MAP4K4: variants seen among roughly 807,000 people sequenced by gnomAD.
MAP4K4 encodes HPK/GCK-like kinase HGK.
Under a neutral mutation model 189.6 loss-of-function variants are expected in MAP4K4, and 38 were observed. The ratio of observed to expected loss-of-function variants is 0.20; its 90% CI spans 0.15 to 0.26. MAP4K4 has a LOEUF of 0.26. MAP4K4 is among the 10% of genes least tolerant of loss of function. MAP4K4 has a pLI of 1.00. For missense variants in MAP4K4, 1,054 were observed against 1,726.9 expected, an observed-to-expected ratio of 0.61 and a Z score of 6.91; for synonymous variants, 610 against 624.3, an observed-to-expected ratio of 0.98 and a Z score of 0.34.
chr2:101,874,303 G>T lies in MAP4K4; in HGVS notation c.3241+51G>T, dbSNP rs191803993. On this transcript the variant is annotated intron_variant, in intron 26 of 32. Coordinates refer to ENST00000324219, the Ensembl canonical transcript of MAP4K4. Reference sequence around the variant, plus strand: ...ACTTTCATTTTTGTTCTGAGTGGTGGCTGGTCTTCTAGAGAAGTACTGCAT... The same window carrying T: ...ACTTTCATTTTTGTTCTGAGTGGTGTCTGGTCTTCTAGAGAAGTACTGCAT... The T allele has an allele frequency of 8.3e-4, 1,262 of 1,523,042 alleles. 9 individuals are homozygous for T. In the African/African-American group the frequency reaches 0.015, roughly 18 times the overall value. The allele number at this position is 1,523,042 out of a possible 1,614,324, so 94.3% of individuals were successfully genotyped here.
In MAP4K4 at chr2:101,803,578, G is replaced by A. The variant is rs141479144; in HGVS notation, c.180+12802G>A. On this transcript the variant is annotated intron_variant, in intron 3 of 32. Transcript: ENST00000324219. ...CAGTTTACATTCTCTTCATAGGACT[G>A]GGGTATAAATTCTAGCCTAATTTGT... Among the ~76,000 whole-genome samples, 1,011 of 152,160 alleles carry A rather than the reference G, an allele frequency of 6.6e-3. 11 individuals are homozygous for A. The highest frequency in any genetic ancestry group is 0.024 in the African/African-American group (977 of 41,494).
At chr2:101,723,494 T>A (rs759176944) in intron 2 of MAP4K4, among the ~76,000 whole-genome samples, 8 of 152,188 alleles carry the variant, frequency 5.3e-5, no homozygotes, top group Non-Finnish European at 8.8e-5. Flanking sequence ...TGGAGAACTG[T>A]GAGAGTCACT....
chr2:101,853,939 G>A (rs934449243), intron 12 of MAP4K4, among the ~76,000 whole-genome samples: 8 of 152,216 alleles, frequency 5.3e-5, no homozygotes, highest in African/African-American at 1.2e-4. Flanking sequence ...TTTCTTCAGC[G>A]GAAATTGTGT....
At chr2:101,700,506 G>T (rs775387793) in intron 2 of MAP4K4, among the ~76,000 whole-genome samples, 24 of 152,296 alleles carry the variant, frequency 1.6e-4, no homozygotes, top group Non-Finnish European at 3.4e-4. Context: ...TAGTGCCTGA[G>T]ATTTTGCTCA....
chr2:101,822,807 A>G (rs938388205), intron 3 of MAP4K4, among the ~76,000 whole-genome samples: 5 of 152,190 alleles, frequency 3.3e-5, no homozygotes, highest in Non-Finnish European at 4.4e-5. Flanking sequence ...CAGTGTAGAA[A>G]AGTAAGGACA....
chr2:101,868,035 G>C, exon 21 of MAP4K4: 1 of 1,612,716 alleles, frequency 6.2e-7, no homozygotes, highest in Non-Finnish European at 8.5e-7. Context: ...GAAGGGCGAA[G>C]TGGTAAGCGC....
At chr2:101,826,066 T>C (rs1470059049) in intron 5 of MAP4K4, among the ~76,000 whole-genome samples, 1 of 152,168 alleles carries the variant, frequency 6.6e-6, no homozygotes, top group Non-Finnish European at 1.5e-5. Flanking sequence ...ATATTACCAG[T>C]GAGTCTCTTC....
intron 29 of MAP4K4, among the ~76,000 whole-genome samples, chr2:101,886,808 G>A (rs1184528999): frequency 1.3e-5 from 2 of 152,008 alleles, no homozygotes; most frequent in East Asian, 1.9e-4. Flanking sequence ...TTGGGAGGTC[G>A]AGGTCAGGAG....
exon 33 of MAP4K4, chr2:101,893,531 C>T (rs923955988): frequency 1.1e-5 from 3 of 262,204 alleles, no homozygotes; most frequent in African/African-American, 2.3e-5. Context: ...TGAACACACT[C>T]GTGTACATAT....
chr2:101,740,553 A>T (rs1430979300), intron 2 of MAP4K4, among the ~76,000 whole-genome samples: 1 of 152,186 alleles, frequency 6.6e-6, no homozygotes, highest in Non-Finnish European at 1.5e-5. Flanking sequence ...GGAATCCTAC[A>T]CTAATAAGGT....
At chr2:101,859,694 A>C (rs2097578890) in exon 15 of MAP4K4, 1 of 1,612,220 alleles carries the variant, frequency 6.2e-7, no homozygotes. Flanking sequence ...GAGGCTCCAG[A>C]GGCAGTTGCA....
chr2:101,758,855 C>T (rs982958522), intron 2 of MAP4K4, among the ~76,000 whole-genome samples: 56 of 152,102 alleles, frequency 3.7e-4, no homozygotes, highest in African/African-American at 1.1e-3. Context: ...GGTTGCTGGC[C>T]GGGCGCGGTG....
chr2:101,763,886 C>G lies in MAP4K4; in HGVS notation c.124-26834C>G, dbSNP rs569060997. ...AACATAATCTGACTTAAAAAAAAAT[C>G]AGTGTTTCATCACAAGGCTGTGGCT... On this transcript the variant is annotated intron_variant, in intron 2 of 32. Transcript: ENST00000324219. Among the ~76,000 whole-genome samples the G allele has an allele frequency of 3.9e-5, 6 of 152,188 alleles. 1 individual carries two copies. Among genetic ancestry groups the G allele is most frequent in the Admixed American group, 3.3e-4 (5 of 15,286 alleles).
At chr2:101,864,378 C>T (rs1383711965) in intron 17 of MAP4K4, among the ~76,000 whole-genome samples, 7 of 151,974 alleles carry the variant, frequency 4.6e-5, no homozygotes, top group Admixed American at 4.6e-4. Flanking sequence ...TGCAGTTTTG[C>T]AATATTAATG....
intron 2 of MAP4K4, among the ~76,000 whole-genome samples, chr2:101,713,299 A>G (rs1256412201): frequency 6.6e-6 from 1 of 152,072 alleles, no homozygotes; most frequent in African/African-American, 2.4e-5. Flanking sequence ...CAATTAAAAA[A>G]TTTTTAATCC....
intron 2 of MAP4K4, among the ~76,000 whole-genome samples, chr2:101,760,872 G>A (rs534357049): frequency 3.9e-5 from 6 of 152,162 alleles, no homozygotes; most frequent in South Asian, 4.1e-4. Flanking sequence ...GCGTGGTGGC[G>A]CATGCCTGTA....
At chr2:101,866,760 G>C (rs1009083734) in intron 19 of MAP4K4, among the ~76,000 whole-genome samples, 181 bp downstream of exon 19, 3 of 148,286 alleles carry the variant, frequency 2.0e-5, no homozygotes, top group Admixed American at 1.4e-4. Flanking sequence ...TAAATTTTGA[G>C]AGCTTTATAT....
At chr2:101,874,322 A>G (rs2150089160) in intron 26 of MAP4K4, 70 bp downstream of exon 26, 1 of 1,382,964 alleles carries the variant, frequency 7.2e-7, no homozygotes, top group Non-Finnish European at 9.9e-7. Flanking sequence ...CTAGAGAAGT[A>G]CTGCATTGAA....
intron 9 of MAP4K4, 132 bp from the exon 10 acceptor site, chr2:101,839,687 A>T (rs2096862472): frequency 1.5e-6 from 1 of 673,514 alleles, no homozygotes. Context: ...TTCATACATT[A>T]TTCCTATGCA....
Sources: gnomAD v4.1 joint callset for allele counts (sites outside exome capture counted in the v4.1 genomes callset) on GRCh38, gnomAD v4.1.1 for gene constraint, MANE v1.5 for transcripts, NCBI Gene and HGNC (gene_info 2026-07-23, HGNC 2026-07-21) for gene names.